Variants in ZNF570 observed in about 807,000 individuals in gnomAD.
ZNF570 encodes the protein zinc finger protein 570.
ZNF570 carries 8 observed loss-of-function variants against 14.2 expected under a neutral mutation model. The observed-to-expected ratio is 0.56, with a 90% CI of 0.33 to 1.02. The LOEUF (loss-of-function observed/expected upper bound fraction) is 1.02. Ranked by LOEUF, ZNF570 falls within the 50% of genes least tolerant of loss-of-function variation. ZNF570 has a pLI of 0.03. For missense variants in ZNF570, 559 were observed against 624.9 expected, an observed-to-expected ratio of 0.89 and a Z score of 1.12; for synonymous variants, 202 against 207.6, an observed-to-expected ratio of 0.97 and a Z score of 0.23.
In ZNF570 at chr19:37,485,365, C is replaced by A. The variant is rs935955510; in HGVS notation, c.*132C>A. The A allele has an allele frequency of 1.4e-5, 13 of 916,920 alleles. No homozygotes were observed. The highest frequency in any genetic ancestry group is 1.8e-5 in the Non-Finnish European group (12 of 654,158). 56.8% of individuals were successfully genotyped at this position (916,920 alleles called of 1,614,324 possible). A position where few individuals can be genotyped will look rare whatever the true frequency, so the allele number is the denominator to read the frequency against. ...GTTTTCCTGTATTTATTTTTGCTAC[C>A]TTTAAATCCATTTCCCACAATGCAC... On this transcript the variant is annotated 3_prime_UTR_variant, in exon 5 of 5. Coordinates refer to ENST00000330173, the MANE Select transcript of ZNF570 (RefSeq NM_144694.5).
rs1477902801 is a variant in ZNF570 at position 37,485,539 on chromosome 19, A to C, written c.*306A>C. 1 of 250,296 alleles carries C rather than the reference A, an allele frequency of 4.0e-6. No individual in the cohort carries two copies. The highest frequency in any genetic ancestry group is 7.6e-6 in the Non-Finnish European group (1 of 131,136). The allele number at this position is 250,296 out of a possible 1,614,324, so 15.5% of individuals were successfully genotyped here. A position where few individuals can be genotyped will look rare whatever the true frequency, so the allele number is the denominator to read the frequency against. On this transcript the variant is annotated 3_prime_UTR_variant, in exon 5 of 5. Coordinates refer to ENST00000330173, the MANE Select transcript of ZNF570 (RefSeq NM_144694.5). ...AGGGTTCAAGCAATTCTCATGCATC[A>C]GCCTCCCGAGTAGCTGGGACTATAG...
chr19:37,468,059 T>G, upstream of ZNF570: 2 of 790,258 alleles, frequency 2.5e-6, no homozygotes, highest in African/African-American at 1.8e-5. Context: ...TTAACTTCTC[T>G]ATGCCTTTCG....
At chr19:37,475,811 G>A in intron 2 of ZNF570, 70 bp from the exon 3 acceptor site, 2 of 1,436,912 alleles carry the variant, frequency 1.4e-6, no homozygotes, top group Non-Finnish European at 1.9e-6. Flanking sequence ...AGAGAGCCCA[G>A]TGTGCCTAGG....
chr19:37,475,092 T>G (rs1328239131), intron 2 of ZNF570, among the ~76,000 whole-genome samples: 1 of 151,600 alleles, frequency 6.6e-6, no homozygotes, highest in African/African-American at 2.4e-5. Context: ...GCCTCTGGAG[T>G]AGCTGGGACT....
intron 2 of ZNF570, among the ~76,000 whole-genome samples, chr19:37,474,952 T>TTTTG (rs1288907408): frequency 9.5e-4 from 137 of 144,646 alleles, no homozygotes; most frequent in African/African-American, 3.6e-3. Context: ...GTTTTTTTTG[T>TTTTG]TTTGTTTTGT....
chr19:37,485,981 G>T lies in ZNF570; in HGVS notation c.*748G>T, dbSNP rs994227044. 5 of 152,216 alleles carry T rather than the reference G, an allele frequency of 3.3e-5. No individual in the cohort carries two copies. Among genetic ancestry groups the T allele is most frequent in the South Asian group, 4.1e-4 (2 of 4,834 alleles). The allele number at this position is 152,216 out of a possible 1,614,324, so 9.4% of individuals were successfully genotyped here. A position where few individuals can be genotyped will look rare whatever the true frequency, so the allele number is the denominator to read the frequency against. ...TGCTTGAACCCAGGAGGCAGAGGTT[G>T]CAGTGAGCCGAGATGGCGCCATTGC... On this transcript the variant is annotated 3_prime_UTR_variant, in exon 5 of 5. Coordinates refer to ENST00000330173, the MANE Select transcript of ZNF570 (RefSeq NM_144694.5).
Position 37,484,009 on chromosome 19 carries a change from G to C in ZNF570, c.387G>C (p.Trp129Cys), listed in dbSNP as rs752676411. 5.0e-6 allele frequency: 8 copies of C among 1,613,950 alleles called. No individual in the cohort carries two copies. The highest frequency in any genetic ancestry group is 6.8e-6 in the Non-Finnish European group (8 of 1,180,030). ...AATACTCCAGTTTGAGAGAAGAGTG[G>C]AAATGTGAGGGCTATTTTGAAAGGC... ...NLEYSSLREE[W>C]KCEGYFERQP... Residue 129 changes from tryptophan (W) to cysteine (C), a missense_variant, in exon 5 of 5, where the codon TGG becomes TGC. Transcript: ENST00000330173.
chr19:37,469,522 T>G lies in ZNF570; in HGVS notation c.-87T>G. On this transcript the variant is annotated 5_prime_UTR_variant, in exon 1 of 5. Transcript: ENST00000330173. ...TGGCGTGTGGGTCTCCGGAAGCTCGTCGCAGGCCATCTGTGTGACTCCGGT... is the reference window on the plus strand; with the variant it reads ...TGGCGTGTGGGTCTCCGGAAGCTCGGCGCAGGCCATCTGTGTGACTCCGGT... The G allele has an allele frequency of 4.6e-6, 7 of 1,536,262 alleles. No homozygotes were observed. The highest frequency in any genetic ancestry group is 6.1e-6 in the Non-Finnish European group (7 of 1,146,854).
At chr19:37,471,479 G>A (rs1344247558) in intron 2 of ZNF570, among the ~76,000 whole-genome samples, 5 of 152,092 alleles carry the variant, frequency 3.3e-5, no homozygotes, top group Non-Finnish European at 7.4e-5. Flanking sequence ...ACTGGGTGTC[G>A]CAGGTCTTAG....
chr19:37,471,498 C>G (rs952614260), intron 2 of ZNF570, among the ~76,000 whole-genome samples: 3 of 152,208 alleles, frequency 2.0e-5, no homozygotes, highest in Admixed American at 6.5e-5. Flanking sequence ...AGTCCCTCAT[C>G]CTGTTCTCTA....
intron 2 of ZNF570, among the ~76,000 whole-genome samples, chr19:37,471,079 T>C (rs2041955720): frequency 7.2e-6 from 1 of 139,632 alleles, no homozygotes; most frequent in Non-Finnish European, 1.5e-5. Context: ...AGTGGCACGA[T>C]CTAGGCTCAC....
At chr19:37,481,157 AT>A (rs750442610) in intron 4 of ZNF570, among the ~76,000 whole-genome samples, 298 of 144,430 alleles carry the variant, frequency 2.1e-3, no homozygotes, top group Middle Eastern at 7.1e-3. Flanking sequence ...AGATTGACAG[AT>A]TTTTTTTTTT....
upstream of ZNF570, chr19:37,468,906 T>C (rs571188125): frequency 2.0e-3 from 684 of 342,336 alleles, 4 homozygotes; most frequent in Non-Finnish European, 2.2e-3. Flanking sequence ...TTTTCGGGTA[T>C]CCAGCACAAT....
rs907303811 is a variant in ZNF570, at chr19:37,473,679, C to T, written c.34-2202C>T. ...CCATGGGAATGAATGACTGTAGAAG[C>T]GTAGAGGATGAGACTATTCCAGGAG... On this transcript the variant is annotated intron_variant, in intron 2 of 4. Coordinates refer to ENST00000330173, the MANE Select transcript of ZNF570 (RefSeq NM_144694.5). Among the ~76,000 whole-genome samples the T allele has an allele frequency of 2.6e-5, 4 of 151,934 alleles. No individual in the cohort carries two copies. The South Asian group carries it at 8.3e-4, about 32-fold the overall frequency.
At position 37,480,094 on chromosome 19, in the gene ZNF570, A is replaced by G. The variant is rs554857824; in HGVS notation, c.256+3660A>G. 2.6e-5 allele frequency among the ~76,000 whole-genome samples: 4 copies of G among 152,258 alleles called. No homozygotes were observed. In the East Asian group the frequency reaches 7.7e-4, roughly 29 times the overall value. On this transcript the variant is annotated intron_variant, in intron 4 of 4. Coordinates refer to ENST00000330173, the MANE Select transcript of ZNF570 (RefSeq NM_144694.5). Reference sequence around the variant, plus strand: ...TCCTAATTTGAATGTTTTACAATCTATTTCTATTCTGTACTGGTTACCTTA... The same window carrying G: ...TCCTAATTTGAATGTTTTACAATCTGTTTCTATTCTGTACTGGTTACCTTA...
rs1416491859 is a variant in ZNF570, at chr19:37,469,540, A to G, written c.-69A>G. The G allele has an allele frequency of 1.3e-6, 2 of 1,535,756 alleles. No homozygotes were observed. The highest frequency in any genetic ancestry group is 1.7e-6 in the Non-Finnish European group (2 of 1,146,804). On this transcript the variant is annotated 5_prime_UTR_variant, in exon 1 of 5. Coordinates refer to ENST00000330173, the MANE Select transcript of ZNF570 (RefSeq NM_144694.5). ...AAGCTCGTCGCAGGCCATCTGTGTG[A>G]CTCCGGTGCGAGTGGAGGTTGGTAC...
chr19:37,473,931 T>C (rs1332265365), intron 2 of ZNF570, among the ~76,000 whole-genome samples: 1 of 152,108 alleles, frequency 6.6e-6, no homozygotes, highest in African/African-American at 2.4e-5. Context: ...TAAAACTAGA[T>C]GTCTTTTAGG....
chr19:37,470,113 A>G (rs889649659), intron 1 of ZNF570, 191 bp from the exon 2 acceptor site: 2 of 529,410 alleles, frequency 3.8e-6, no homozygotes, highest in Non-Finnish European at 6.7e-6. Context: ...ATCTGTTGTT[A>G]ACCTAAGGAA....
chr19:37,470,173 G>T, intron 1 of ZNF570, 131 bp from the exon 2 acceptor site: 1 of 710,248 alleles, frequency 1.4e-6, no homozygotes, highest in Non-Finnish European at 2.3e-6. Flanking sequence ...CAAATTCCTA[G>T]GTCTCCATTA....
Sources: gnomAD v4.1 joint callset for allele counts (sites outside exome capture counted in the v4.1 genomes callset) on GRCh38, gnomAD v4.1.1 for gene constraint, MANE v1.5 for transcripts, NCBI Gene and HGNC (gene_info 2026-07-23, HGNC 2026-07-21) for gene names.